Variants in AMZ1 observed in about 807,000 individuals in gnomAD.
The protein encoded by AMZ1 is archaelysin family metallopeptidase 1, also known as archaemetzincin-1.
A neutral mutation model predicts 29.9 loss-of-function variants in AMZ1; 39 were observed. That is an observed-to-expected ratio of 1.30 (90% CI 1.01 to 1.70). AMZ1 has a LOEUF of 1.70. Ranked by LOEUF, AMZ1 falls within the 40% of genes most tolerant of loss-of-function variation. AMZ1 has a pLI of 0.00. For missense variants in AMZ1, 1,041 were observed against 680.6 expected, an observed-to-expected ratio of 1.53 and a Z score of -5.89; for synonymous variants, 458 against 304.0, an observed-to-expected ratio of 1.51 and a Z score of -5.27.
rs938067413 is a variant in AMZ1, at chr7:2,691,486, T to C, written c.-219+3190T>C. On this transcript the variant is annotated intron_variant, in intron 1 of 6. Transcript: ENST00000683327. Reference sequence around the variant, plus strand: ...GGCCGGGCGCGGTGGCTCACACATATAATCCCAGCACTTCGGGAGGCCGAG... The same window carrying C: ...GGCCGGGCGCGGTGGCTCACACATACAATCCCAGCACTTCGGGAGGCCGAG... Among the ~76,000 whole-genome samples the C allele has an allele frequency of 2.0e-5, 3 of 148,614 alleles. 1 individual carries two copies. The highest frequency in any genetic ancestry group is 5.2e-5 in the African/African-American group (2 of 38,344).
chr7:2,709,071 C>G lies in AMZ1; in HGVS notation c.602-4C>G, dbSNP rs1251833464. The G allele has an allele frequency of 1.0e-5, 16 of 1,580,530 alleles. No individual in the cohort carries two copies. The highest frequency in any genetic ancestry group is 1.7e-4 in the Middle Eastern group (1 of 5,912). On this transcript the variant is annotated splice_polypyrimidine_tract_variant and splice_region_variant and intron_variant, in intron 4 of 6. Transcript: ENST00000683327. ...AGAGTGCCCTTCTCTCCATCTCTCT[C>G]CAGAAGTGGGCGTCTGCAGCTTCGC...
rs200497737 is a variant in AMZ1 at position 2,748,196 on chromosome 7, C to A, written n.551-16516C>A. 1.4e-4 allele frequency among the ~76,000 whole-genome samples: 21 copies of A among 150,590 alleles called. 1 individual carries two copies. The highest frequency in any genetic ancestry group is 5.3e-4 in the Admixed American group (8 of 15,074). On this transcript the variant is annotated intron_variant and non_coding_transcript_variant, in intron 4 of 4. Transcript: ENST00000489665. ...TATGGAACCAAAAAAGAGCCTGCAT[C>A]GCCAAGTCAATCCTAAGCCAAAAGA...
chr7:2,708,339 C>T (rs112979430), intron 3 of AMZ1, among the ~76,000 whole-genome samples: 2 of 152,252 alleles, frequency 1.3e-5, no homozygotes, highest in African/African-American at 2.4e-5. Flanking sequence ...GCTGCCTCTC[C>T]AGCGTCCCCA....
chr7:2,761,542 GC>G, upstream of AMZ1, among the ~76,000 whole-genome samples: 1 of 152,288 alleles, frequency 6.6e-6, no homozygotes, highest in East Asian at 1.9e-4. Context: ...GGACAGCATC[GC>G]CCTCCAGAAT....
chr7:2,738,305 A>G (rs1247541503), intron 4 of AMZ1, among the ~76,000 whole-genome samples: 1 of 152,098 alleles, frequency 6.6e-6, no homozygotes, highest in African/African-American at 2.4e-5. Flanking sequence ...AAAATTAGGT[A>G]ACAGATTCAC....
chr7:2,751,727 C>G (rs548662547), intron 4 of AMZ1, among the ~76,000 whole-genome samples: 1 of 152,174 alleles, frequency 6.6e-6, no homozygotes, highest in Non-Finnish European at 1.5e-5. Context: ...GAGAATGTTC[C>G]AAACAACTTT....
intron 4 of AMZ1, among the ~76,000 whole-genome samples, chr7:2,739,584 T>G (rs1790395748): frequency 6.6e-6 from 1 of 152,232 alleles, no homozygotes; most frequent in South Asian, 2.1e-4. Flanking sequence ...TTGTGAACAG[T>G]GCTACAAACA....
chr7:2,707,203 G>A (rs1583169437), intron 3 of AMZ1, among the ~76,000 whole-genome samples: 1 of 152,034 alleles, frequency 6.6e-6, no homozygotes, highest in Non-Finnish European at 1.5e-5. Context: ...AACCTGGGAG[G>A]CGGAGGTTAC....
At chr7:2,762,925 A>T (rs1315800421), upstream of AMZ1, 2 of 1,403,230 alleles carry the variant, frequency 1.4e-6, no homozygotes, top group Non-Finnish European at 1.9e-6. Context: ...ACAGGCGGGG[A>T]CGCCCCAGAC....
downstream of AMZ1, among the ~76,000 whole-genome samples, chr7:2,721,350 G>A (rs927727296): frequency 2.0e-5 from 3 of 152,200 alleles, no homozygotes; most frequent in Non-Finnish European, 4.4e-5. Context: ...CTTGCCCCAC[G>A]GTGGAACGCA....
At chr7:2,693,755 C>G (rs1787545004) in intron 1 of AMZ1, among the ~76,000 whole-genome samples, 1 of 152,160 alleles carries the variant, frequency 6.6e-6, no homozygotes, top group Non-Finnish European at 1.5e-5. Context: ...CAGGGTTTCA[C>G]CGTGTTAGCC....
chr7:2,752,230 C>G (rs1291849412), intron 4 of AMZ1, among the ~76,000 whole-genome samples: 1 of 152,012 alleles, frequency 6.6e-6, no homozygotes, highest in African/African-American at 2.4e-5. Flanking sequence ...AAAAATTCAA[C>G]ACATGCTCAG....
At chr7:2,700,777 C>G (rs375951352) in intron 2 of AMZ1, 22 bp downstream of exon 2, 2 of 1,605,808 alleles carry the variant, frequency 1.2e-6, no homozygotes. Flanking sequence ...CTGCAGCCAT[C>G]GGCACGCTCC....
At position 2,717,116 on chromosome 7, in the gene AMZ1, C is replaced by T. The variant is rs1324724032; in HGVS notation, c.*4238C>T. Among the ~76,000 whole-genome samples the T allele has an allele frequency of 2.6e-5, 4 of 152,202 alleles. No homozygotes were observed. Among genetic ancestry groups the T allele is most frequent in the East Asian group, 1.9e-4 (1 of 5,192 alleles). On this transcript the variant is annotated 3_prime_UTR_variant, in exon 7 of 7. Transcript: ENST00000683327. ...CTGATAACCAGGAGGCTTTCTGGCC[C>T]GTGCAGCTCCTTCGGACTCTGAGGA...
chr7:2,742,476 C>CTG (rs1583221241), intron 4 of AMZ1, among the ~76,000 whole-genome samples: 2 of 152,328 alleles, frequency 1.3e-5, no homozygotes, highest in East Asian at 3.9e-4. Context: ...AAGAGCCCTG[C>CTG]TCCTGTTTAT....
chr7:2,714,003 C>G lies in AMZ1; in HGVS notation c.*1125C>G, dbSNP rs1425784695. 1 of 152,228 alleles carries G rather than the reference C, an allele frequency of 6.6e-6. No individual in the cohort carries two copies. 9.4% of individuals were successfully genotyped at this position (152,228 alleles called of 1,614,324 possible). A position where few individuals can be genotyped will look rare whatever the true frequency, so the allele number is the denominator to read the frequency against. ...TTGATCTGTCTCCCTTTAGTTTTGC[C>G]GGATTTTGCTTCCTGCACTTTGAAG... is the stretch of plus-strand genomic sequence containing the variant. On this transcript the variant is annotated 3_prime_UTR_variant, in exon 7 of 7. Transcript: ENST00000683327.
intron 4 of AMZ1, among the ~76,000 whole-genome samples, chr7:2,753,806 TC>T (rs1791152145): frequency 6.6e-6 from 1 of 152,176 alleles, no homozygotes; most frequent in Non-Finnish European, 1.5e-5. Flanking sequence ...AGTTTTTGTT[TC>T]TTCAGTTTCT....
chr7:2,758,600 G>A (rs1791410332), intron 4 of AMZ1, among the ~76,000 whole-genome samples: 1 of 151,960 alleles, frequency 6.6e-6, no homozygotes, highest in African/African-American at 2.4e-5. Context: ...TCTAATCAGG[G>A]GAGCCTTTCA....
intron 1 of AMZ1, among the ~76,000 whole-genome samples, chr7:2,690,018 C>T (rs141981962): frequency 1.1e-3 from 163 of 152,254 alleles, no homozygotes; most frequent in African/African-American, 3.8e-3. Context: ...CTGAATGACC[C>T]ACGAAGACGA....
Sources: gnomAD v4.1 joint callset for allele counts (sites outside exome capture counted in the v4.1 genomes callset) on GRCh38, gnomAD v4.1.1 for gene constraint, MANE v1.5 for transcripts, NCBI Gene and HGNC (gene_info 2026-07-23, HGNC 2026-07-21) for gene names.